SFSWAP: variants seen among roughly 807,000 people sequenced by gnomAD.
SFSWAP encodes the protein splicing factor, suppressor of white-apricot homolog.
A neutral mutation model predicts 100.7 loss-of-function variants in SFSWAP; 17 were observed. That is an observed-to-expected ratio of 0.17 (90% CI 0.12 to 0.25). SFSWAP has a LOEUF of 0.25. Ranked by LOEUF, SFSWAP falls within the 10% of genes least tolerant of loss-of-function variation. SFSWAP has a pLI of 1.00. For missense variants in SFSWAP, 1,005 were observed against 1,262.6 expected, an observed-to-expected ratio of 0.80 and a Z score of 3.09; for synonymous variants, 504 against 510.1, an observed-to-expected ratio of 0.99 and a Z score of 0.16.
At chr12:131,790,310 A>T (rs1198408065) in intron 15 of SFSWAP, among the ~76,000 whole-genome samples, 1 of 152,146 alleles carries the variant, frequency 6.6e-6, no homozygotes, top group African/African-American at 2.4e-5. Flanking sequence ...CGTTTGGTAC[A>T]AGATGTTCCA....
chr12:131,734,481 C>T lies in SFSWAP; in HGVS notation c.1081+6053C>T, dbSNP rs943962847. 2.0e-5 allele frequency among the ~76,000 whole-genome samples: 3 copies of T among 152,138 alleles called. No individual in the cohort carries two copies. The highest frequency in any genetic ancestry group is 6.5e-5 in the Admixed American group (1 of 15,284). ...GCACTCCCTGCTTGTAAGCCGGGGCCGCATTGTTGTGTTACCACACTTCTG... is the reference window on the plus strand; with the variant it reads ...GCACTCCCTGCTTGTAAGCCGGGGCTGCATTGTTGTGTTACCACACTTCTG... On this transcript the variant is annotated intron_variant, in intron 7 of 17. Coordinates refer to ENST00000261674, the MANE Select transcript of SFSWAP (RefSeq NM_004592.4). The surrounding 1 kb of genome is among the most constrained non-coding windows in gnomAD (Gnocchi z 4.9).
At position 131,786,545 on chromosome 12, in the gene SFSWAP, G is replaced by A. The variant is rs867767832; in HGVS notation, c.2491G>A (p.Val831Met). 1.1e-5 allele frequency: 17 copies of A among 1,587,482 alleles called. No homozygotes were observed. The highest frequency in any genetic ancestry group is 6.8e-5 in the East Asian group (3 of 43,822). ...EERSVPTAYR[V>M]SRSPGASRKR... ...GAGGAGTGTGCCCACTGCCTACCGC[G>A]TGAGCCGCAGCCCTGGGGCCAGTAG... Residue 831 changes from valine to methionine, a missense_variant, in exon 15 of 18, where the codon GTG (valine) becomes ATG (methionine). Val to Met is a conservative substitution (Grantham distance 21, BLOSUM62 1). Around this residue, in one of 7 missense-constraint regions of SFSWAP, gnomAD observed 295 missense variants for 347.9 expected, o/e 0.85. Coordinates refer to ENST00000261674, the MANE Select transcript of SFSWAP (RefSeq NM_004592.4).
In SFSWAP at chr12:131,714,806, C is replaced by G. The variant is rs759135844; in HGVS notation, c.389-16C>G. The G allele has an allele frequency of 6.2e-7, 1 of 1,605,670 alleles. No individual in the cohort carries two copies. Among genetic ancestry groups the G allele is most frequent in the African/African-American group, 1.3e-5 (1 of 74,692 alleles). ...ATTTTCTATTTTTGTTGATAAAATT[C>G]TCATTTTTATTCAAGAGGAAGAATA... On this transcript the variant is annotated splice_polypyrimidine_tract_variant and intron_variant, in intron 2 of 17. Coordinates refer to ENST00000261674, the MANE Select transcript of SFSWAP (RefSeq NM_004592.4). This position sits in a 1 kb window ranked among gnomAD's most constrained non-coding sequence, Gnocchi z 6.0.
chr12:131,798,760 C>T (rs886731138), intron 16 of SFSWAP, among the ~76,000 whole-genome samples: 37 of 152,068 alleles, frequency 2.4e-4, no homozygotes, highest in African/African-American at 8.9e-4. Context: ...CATGGTGGCA[C>T]ACGCCTGCAA....
chr12:131,739,823 A>C (rs775831553), intron 7 of SFSWAP, among the ~76,000 whole-genome samples: 35 of 152,152 alleles, frequency 2.3e-4, no homozygotes, highest in South Asian at 1.0e-3. Context: ...GATTACAGGC[A>C]TGAGCCACTG....
chr12:131,717,857 A>T (rs1347596785), intron 3 of SFSWAP, among the ~76,000 whole-genome samples: 5 of 152,060 alleles, frequency 3.3e-5, no homozygotes, highest in Non-Finnish European at 7.4e-5. Flanking sequence ...TAGCCTCCCA[A>T]ATAGCTGGGA....
rs977786680 is a variant in SFSWAP, at chr12:131,730,148, C to G, written c.1081+1720C>G. 6.6e-6 allele frequency among the ~76,000 whole-genome samples: 1 copy of G among 152,190 alleles called. No individual in the cohort carries two copies. Among genetic ancestry groups the G allele is most frequent in the Non-Finnish European group, 1.5e-5 (1 of 68,038 alleles). On this transcript the variant is annotated intron_variant, in intron 7 of 17. Transcript: ENST00000261674. The surrounding 1 kb of genome is among the most constrained non-coding windows in gnomAD (Gnocchi z 4.0). ...TGTAGATCACTCCTAACGCCCAGTCCTCACTGCATGGATTTTTGGATAGAC... is the reference window on the plus strand; with the variant it reads ...TGTAGATCACTCCTAACGCCCAGTCGTCACTGCATGGATTTTTGGATAGAC...
chr12:131,762,900 AT>A (rs1414232761), intron 11 of SFSWAP, among the ~76,000 whole-genome samples: 6 of 150,400 alleles, frequency 4.0e-5, no homozygotes, highest in Non-Finnish European at 8.9e-5. Context: ...CACCCGGCCA[AT>A]TTTTTTTTTC....
chr12:131,787,004 C>T lies in SFSWAP; in HGVS notation c.2534+416C>T, dbSNP rs928222420. On this transcript the variant is annotated intron_variant, in intron 15 of 17. Transcript: ENST00000261674. ...CTGTGGTTGCCTGGCTGCTGTGTGACGGTGACTACGGCCCAGGCTGGAGCT... is the reference window on the plus strand; with the variant it reads ...CTGTGGTTGCCTGGCTGCTGTGTGATGGTGACTACGGCCCAGGCTGGAGCT... 3.9e-5 allele frequency among the ~76,000 whole-genome samples: 6 copies of T among 152,178 alleles called. No individual in the cohort carries two copies. In the East Asian group the frequency reaches 5.8e-4, roughly 15 times the overall value.
Position 131,785,011 on chromosome 12 carries a change from C to G in SFSWAP, c.2409-1452C>G, listed in dbSNP as rs117358804. On this transcript the variant is annotated intron_variant, in intron 14 of 17. Transcript: ENST00000261674. ...AATAAGCAGAGCTTTTTTCAGAGTT[C>G]TGGTAGCGCCCAGCCCAGCACCTTT... 5,317 of 1,361,818 alleles carry G rather than the reference C, an allele frequency of 3.9e-3. 20 individuals carry two copies. Among genetic ancestry groups the G allele is most frequent in the Middle Eastern group, 0.011 (52 of 4,914 alleles). The allele number at this position is 1,361,818 out of a possible 1,614,324, so 84.4% of individuals were successfully genotyped here.
chr12:131,757,839 A>G (rs1882319367), intron 11 of SFSWAP: 1 of 152,212 alleles, frequency 6.6e-6, no homozygotes, highest in South Asian at 2.1e-4. Flanking sequence ...CCACCCGCAT[A>G]CTCTCACTGG....
rs904626898 is a variant in SFSWAP at position 131,791,537 on chromosome 12, G to C, written c.2534+4949G>C. Among the ~76,000 whole-genome samples the C allele has an allele frequency of 3.9e-5, 6 of 152,324 alleles. No individual in the cohort carries two copies. The South Asian group carries it at 1.2e-3, about 32-fold the overall frequency. The stretch of plus-strand genomic sequence containing the variant: ...GGAGGCTGAGGCAGGTGGATCACGA[G>C]GTCAGGAGTTTGAGACCAGTCTGGC... On this transcript the variant is annotated intron_variant, in intron 15 of 17. Transcript: ENST00000261674.
chr12:131,797,384 C>G (rs759573327), intron 16 of SFSWAP, 24 bp downstream of exon 16: 1 of 1,588,082 alleles, frequency 6.3e-7, no homozygotes, highest in Non-Finnish European at 8.6e-7. Flanking sequence ...TCCAGCAGCT[C>G]TCTCTGGGGA....
In SFSWAP at chr12:131,734,186, C is replaced by T. The variant is rs957753936; in HGVS notation, c.1081+5758C>T. On this transcript the variant is annotated intron_variant, in intron 7 of 17. Transcript: ENST00000261674. The surrounding 1 kb of genome is among the most constrained non-coding windows in gnomAD (Gnocchi z 4.9). ...ACAGAGAGCGTGTTCATCGCTGGCT[C>T]CTGCCGCCCTCGAGGACTTGAAGGC... Among the ~76,000 whole-genome samples, 1 of 152,226 alleles carries T rather than the reference C, an allele frequency of 6.6e-6. No homozygotes were observed. Among genetic ancestry groups the T allele is most frequent in the Admixed American group, 6.5e-5 (1 of 15,294 alleles).
chr12:131,797,307 C>G lies in SFSWAP; in HGVS notation c.2664C>G (p.His888Gln). The G allele has an allele frequency of 1.9e-6, 3 of 1,611,394 alleles. No homozygotes were observed. Among genetic ancestry groups the G allele is most frequent in the South Asian group, 1.1e-5 (1 of 90,940 alleles). ...CGGCCCCCGCGGCCCACTCGGCGCA[C>G]TCAGCCAGCGTCTCCCCTGTGGAGA... ...RPAAPAAHSA[H>Q]SASVSPVESR... The change falls in exon 16 of 18, where the codon CAC becomes CAG. Residue 888 changes from histidine to glutamine, a missense_variant. Coordinates refer to ENST00000261674, the MANE Select transcript of SFSWAP (RefSeq NM_004592.4).
At chr12:131,775,521 G>T (rs576588888) in intron 13 of SFSWAP, among the ~76,000 whole-genome samples, 1 of 152,112 alleles carries the variant, frequency 6.6e-6, no homozygotes, top group African/African-American at 2.4e-5. Context: ...CCCAGGGCTC[G>T]CCTCAGAGGA....
At chr12:131,713,934 A>G in intron 1 of SFSWAP, 137 bp from the exon 2 acceptor site, 8 of 506,148 alleles carry the variant, frequency 1.6e-5, no homozygotes, top group Non-Finnish European at 2.6e-5. Flanking sequence ...AAGAGTTTTT[A>G]TACTTGTTTT....
chr12:131,714,212 G>A lies in SFSWAP; in HGVS notation c.360G>A (p.Thr120=), dbSNP rs1203783835. 2.5e-6 allele frequency: 4 copies of A among 1,613,386 alleles called. No individual in the cohort carries two copies. The highest frequency in any genetic ancestry group is 1.1e-5 in the South Asian group (1 of 90,982). The part of the protein sequence containing the change: ...CDEERYLALH[T]DLLEEEARQE... ...AAGAGAGGTATTTAGCCTTGCATACGGACTTGCTTGAGGAGGAGGCAAGGC... is the reference window on the plus strand; with the variant it reads ...AAGAGAGGTATTTAGCCTTGCATACAGACTTGCTTGAGGAGGAGGCAAGGC... Residue 120 remains threonine, a synonymous_variant, in exon 2 of 18, where the codon ACG becomes ACA. Coordinates refer to ENST00000261674, the MANE Select transcript of SFSWAP (RefSeq NM_004592.4). This position sits in a 1 kb window ranked among gnomAD's most constrained non-coding sequence, Gnocchi z 6.0.
chr12:131,756,363 T>C (rs1882156575), intron 10 of SFSWAP, 110 bp from the exon 11 acceptor site: 1 of 898,538 alleles, frequency 1.1e-6, no homozygotes, highest in Non-Finnish European at 1.7e-6. Context: ...GCTTGGGCAG[T>C]AATGTACAAT....
Sources: allele counts gnomAD v4.1 joint callset (sites outside exome capture counted in the v4.1 genomes callset), GRCh38; gene constraint gnomAD v4.1.1; regional missense constraint gnomAD v4.1.1; non-coding constraint Gnocchi (gnomAD v3.1); transcripts MANE v1.5; gene names NCBI Gene and HGNC (gene_info 2026-07-23, HGNC 2026-07-21).